The following STK32B variants were observed in gnomAD, a reference collection of about 807,000 sequenced individuals.
The protein encoded by STK32B is serine/threonine-protein kinase 32B.
STK32B carries 43 observed loss-of-function variants against 52.6 expected under a neutral mutation model. That is an observed-to-expected ratio of 0.82 (90% CI 0.64 to 1.05). The LOEUF (loss-of-function observed/expected upper bound fraction) is 1.05, where lower values mean the gene tolerates loss of function less well. STK32B is among the 50% of genes least tolerant of loss of function. The probability of loss-of-function intolerance (pLI) is 0.00; values close to 1 mark genes in which losing one functional copy is unlikely to be tolerated. For missense variants in STK32B, 621 were observed against 534.6 expected (o/e 1.16, Z -1.59); for synonymous variants, 238 against 204.3 (o/e 1.17, Z -1.41).
Position 5,102,517 on chromosome 4 carries a change from C to T in STK32B, c.53-37388C>T, listed in dbSNP as rs921727333. 7.5e-5 allele frequency among the ~76,000 whole-genome samples: 10 copies of T among 134,006 alleles called. No homozygotes were observed. The South Asian group carries it at 1.1e-3, about 14-fold the overall frequency. The allele number at this position is 134,006 out of a possible 152,430, so 87.9% of individuals were successfully genotyped here. Reference sequence around the variant, plus strand: ...CCCTCCCTCCCTCCCTCCCTCCTTCCTTCTTTCTTTCTTTACTTTCTTTCT... The same window carrying T: ...CCCTCCCTCCCTCCCTCCCTCCTTCTTTCTTTCTTTCTTTACTTTCTTTCT... On this transcript the variant is annotated intron_variant, in intron 1 of 11. Transcript: ENST00000282908.
chr4:5,312,511 C>A (rs1730367549), intron 3 of STK32B, among the ~76,000 whole-genome samples: 1 of 150,768 alleles, frequency 6.6e-6, no homozygotes, highest in African/African-American at 2.4e-5. Flanking sequence ...TTGTTCAATT[C>A]CCACCTGTGA....
chr4:5,446,081 G>A (rs1217634887), intron 6 of STK32B, among the ~76,000 whole-genome samples: 1 of 152,178 alleles, frequency 6.6e-6, no homozygotes, highest in East Asian at 1.9e-4. Flanking sequence ...CCCTCCAGGG[G>A]CATGTCTTCC....
At chr4:5,203,263 A>G (rs1560222253) in intron 3 of STK32B, among the ~76,000 whole-genome samples, 1 of 152,136 alleles carries the variant, frequency 6.6e-6, no homozygotes, top group Non-Finnish European at 1.5e-5. Flanking sequence ...TCTTTTGATG[A>G]TTTCCCTCCA....
At position 5,241,830 on chromosome 4, in the gene STK32B, G is replaced by T. The variant is rs59875910; in HGVS notation, c.260+73380G>T. On this transcript the variant is annotated intron_variant, in intron 3 of 11. Coordinates refer to ENST00000282908, the MANE Select transcript of STK32B (RefSeq NM_018401.3). Reference sequence around the variant, plus strand: ...TTATCAGTGAGAACATGCGGTGTTTGGTTTTTTGTCCTCGCGATAGTTTGC... The same window carrying T: ...TTATCAGTGAGAACATGCGGTGTTTTGTTTTTTGTCCTCGCGATAGTTTGC... Among the ~76,000 whole-genome samples the T allele has an allele frequency of 5.4e-3, 824 of 152,236 alleles. 16 individuals are homozygous for T. In the East Asian group the frequency reaches 0.075, roughly 14 times the overall value.
chr4:5,170,880 G>A (rs909202322), intron 3 of STK32B, among the ~76,000 whole-genome samples: 2 of 152,160 alleles, frequency 1.3e-5, no homozygotes, highest in Non-Finnish European at 2.9e-5. Flanking sequence ...CTGAGGAATC[G>A]CCACATTGAC....
At chr4:5,406,495 C>T (rs540357235) in intron 5 of STK32B, among the ~76,000 whole-genome samples, 30 of 152,270 alleles carry the variant, frequency 2.0e-4, no homozygotes, top group South Asian at 1.0e-3. Context: ...AATTTCTCAA[C>T]GAGGGCCCCA....
chr4:5,466,904 ACTGTT>A, intron 10 of STK32B, 70 bp downstream of exon 10: 1 of 1,531,610 alleles, frequency 6.5e-7, no homozygotes, highest in Admixed American at 2.2e-5. Flanking sequence ...GAGCCAGGCC[ACTGTT>A]TAGCAAAAAG....
the STK32B span, among the ~76,000 whole-genome samples, chr4:5,020,626 A>G: frequency 6.6e-6 from 1 of 152,140 alleles, no homozygotes; most frequent in Non-Finnish European, 1.5e-5. Context: ...TCCTCCTGCC[A>G]TTCTTCCATC....
chr4:5,168,426 A>C lies in STK32B; in HGVS notation c.236A>C (p.Glu79Ala). ...FRELQIMQGL[E>A]HPFLVNLWYS... ...GAGCTGCAGATCATGCAAGGGCTGG[A>C]GCACCCCTTCCTGGTCAATCTGTGG... is the stretch of plus-strand genomic sequence containing the variant. The change falls in exon 3 of 12, where the codon GAG (glutamate) becomes GCG (alanine). Residue 79 changes from glutamate to alanine, a missense_variant. Physicochemically the swap from Glu to Ala is moderately radical, Grantham distance 107. Coordinates refer to ENST00000282908, the MANE Select transcript of STK32B (RefSeq NM_018401.3). The C allele has an allele frequency of 6.2e-7, 1 of 1,613,674 alleles. No individual in the cohort carries two copies. Among genetic ancestry groups the C allele is most frequent in the Non-Finnish European group, 8.5e-7 (1 of 1,179,870 alleles).
At chr4:5,045,038 G>A in the STK32B span, among the ~76,000 whole-genome samples, 1 of 152,240 alleles carries the variant, frequency 6.6e-6, no homozygotes, top group Non-Finnish European at 1.5e-5. Flanking sequence ...CTCAAAGCCA[G>A]TGTTCCCCTT....
At chr4:5,339,056 T>C (rs751387729) in intron 4 of STK32B, among the ~76,000 whole-genome samples, 3 of 151,216 alleles carry the variant, frequency 2.0e-5, no homozygotes, top group Non-Finnish European at 3.0e-5. Context: ...CATTCACTCT[T>C]TCTACTTGAC....
At chr4:5,296,606 A>G (rs1286286465) in intron 3 of STK32B, among the ~76,000 whole-genome samples, 1 of 151,790 alleles carries the variant, frequency 6.6e-6, no homozygotes. Flanking sequence ...TTTGCTTTCC[A>G]TTTGCTTGGT....
intron 6 of STK32B, among the ~76,000 whole-genome samples, chr4:5,431,036 G>GTCTTGGGGA (rs1346114683): frequency 6.6e-6 from 1 of 152,194 alleles, no homozygotes; most frequent in Non-Finnish European, 1.5e-5. Flanking sequence ...GTGTCAATGG[G>GTCTTGGGGA]TCTTGGGGAT....
At position 5,386,910 on chromosome 4, in the gene STK32B, C is replaced by T. The variant is rs891400533; in HGVS notation, c.435-11297C>T. On this transcript the variant is annotated intron_variant, in intron 4 of 11. Coordinates refer to ENST00000282908, the MANE Select transcript of STK32B (RefSeq NM_018401.3). The surrounding 1 kb of genome is among the most constrained non-coding windows in gnomAD (Gnocchi z 4.5). ...GAAAGCTGGATGAGGAACATGAGGC[C>T]GTGGCCTGAGCGTCTTCACAGAAAT... is the stretch of plus-strand genomic sequence containing the variant. 2.0e-5 allele frequency among the ~76,000 whole-genome samples: 3 copies of T among 152,262 alleles called. No homozygotes were observed. Among genetic ancestry groups the T allele is most frequent in the East Asian group, 1.9e-4 (1 of 5,166 alleles).
chr4:5,038,606 G>A, the STK32B span, among the ~76,000 whole-genome samples: 3 of 152,134 alleles, frequency 2.0e-5, no homozygotes, highest in African/African-American at 2.4e-5. Flanking sequence ...CAAAGTATTC[G>A]TGTATCTAAA....
Position 5,380,988 on chromosome 4 carries a change from C to A in STK32B, c.435-17219C>A, listed in dbSNP as rs140377879. ...GGCCCACCGCCTGGGAAGCAATTTG[C>A]AGAGCAGTTACACAGTGTAAATGAC... is the stretch of plus-strand genomic sequence containing the variant. On this transcript the variant is annotated intron_variant, in intron 4 of 11. Coordinates refer to ENST00000282908, the MANE Select transcript of STK32B (RefSeq NM_018401.3). The surrounding 1 kb of genome is among the most constrained non-coding windows in gnomAD (Gnocchi z 4.3). 6.6e-6 allele frequency among the ~76,000 whole-genome samples: 1 copy of A among 152,194 alleles called. No individual in the cohort carries two copies. Among genetic ancestry groups the A allele is most frequent in the Admixed American group, 6.5e-5 (1 of 15,282 alleles).
intron 1 of STK32B, among the ~76,000 whole-genome samples, chr4:5,108,673 TG>T (rs1272789824): frequency 6.6e-6 from 1 of 152,220 alleles, no homozygotes. Flanking sequence ...CAATTTTTTT[TG>T]TTAAGTGGTC....
At position 5,460,303 on chromosome 4, in the gene STK32B, C is replaced by G. The variant is rs1289937298; in HGVS notation, c.909+75C>G. ...GCCTTGGTGCAAAGCAAGACTTTGG[C>G]AGCTGGCTAGTGAGCCCTCTGCTGG... is the stretch of plus-strand genomic sequence containing the variant. On this transcript the variant is annotated intron_variant, in intron 9 of 11. Coordinates refer to ENST00000282908, the MANE Select transcript of STK32B (RefSeq NM_018401.3). The surrounding 1 kb of genome is among the most constrained non-coding windows in gnomAD (Gnocchi z 4.8). The G allele has an allele frequency of 6.5e-7, 1 of 1,538,780 alleles. No homozygotes were observed.
intron 3 of STK32B, among the ~76,000 whole-genome samples, chr4:5,240,750 G>C (rs1317151847): frequency 6.6e-6 from 1 of 152,184 alleles, no homozygotes; most frequent in African/African-American, 2.4e-5. Context: ...GTGAGCCACT[G>C]TTCCTGGCTT....
Sources: gnomAD v4.1 joint callset for allele counts (sites outside exome capture counted in the v4.1 genomes callset) on GRCh38, gnomAD v4.1.1 for gene constraint, Gnocchi (gnomAD v3.1) non-coding constraint, MANE v1.5 for transcripts, NCBI Gene and HGNC (gene_info 2026-07-23, HGNC 2026-07-21) for gene names.